DGKI: variants seen among roughly 807,000 people sequenced by gnomAD.
The protein encoded by DGKI is diacylglycerol kinase iota.
In DGKI, 55 loss-of-function variants were observed where a neutral mutation model predicts 147.5. The observed-to-expected ratio is 0.37, with a 90% confidence interval of 0.30 to 0.47. The LOEUF is 0.47. Among genes scored for constraint, DGKI ranks in the 20% least tolerant of loss-of-function variants. The pLI is 1.00. For missense variants in DGKI, 1,007 were observed against 1,323.8 expected (o/e 0.76, Z 3.71); for synonymous variants, 469 against 477.1 (o/e 0.98, Z 0.22).
chr7:137,496,212 G>T (rs569821443), intron 21 of DGKI, among the ~76,000 whole-genome samples: 3 of 152,078 alleles, frequency 2.0e-5, no homozygotes, highest in Admixed American at 2.0e-4. Flanking sequence ...ATTCACAATA[G>T]CCACAAACAA....
intron 20 of DGKI, among the ~76,000 whole-genome samples, chr7:137,544,137 AC>A (rs1191023244): frequency 6.6e-6 from 1 of 152,190 alleles, no homozygotes; most frequent in Non-Finnish European, 1.5e-5. Flanking sequence ...TGTAGCACGC[AC>A]ACTCATGGAA....
chr7:137,844,526 G>A (rs965881679), intron 1 of DGKI, among the ~76,000 whole-genome samples: 1 of 152,206 alleles, frequency 6.6e-6, no homozygotes, highest in Admixed American at 6.5e-5. Flanking sequence ...TGACACTGAT[G>A]CAGGAATTGG....
intron 21 of DGKI, among the ~76,000 whole-genome samples, chr7:137,519,444 A>G (rs1172963022): frequency 6.6e-6 from 1 of 152,068 alleles, no homozygotes; most frequent in Admixed American, 6.6e-5. Context: ...CTTCAAACGC[A>G]GTACCATGCT....
intron 1 of DGKI, among the ~76,000 whole-genome samples, chr7:137,711,276 T>C (rs1265005879): frequency 1.3e-5 from 2 of 152,162 alleles, no homozygotes; most frequent in Non-Finnish European, 2.9e-5. Flanking sequence ...CTCTGGTATA[T>C]ACACACAAGA....
intron 20 of DGKI, among the ~76,000 whole-genome samples, chr7:137,539,303 G>C (rs756033532): frequency 2.0e-5 from 3 of 152,150 alleles, no homozygotes; most frequent in Non-Finnish European, 4.4e-5. Flanking sequence ...TAAACCCTTA[G>C]CTTTCTGGCA....
chr7:137,595,598 C>CTTTATCT (rs1819760053), intron 12 of DGKI, among the ~76,000 whole-genome samples: 1 of 152,126 alleles, frequency 6.6e-6, no homozygotes, highest in African/African-American at 2.4e-5. Flanking sequence ...TCTCTTTCCT[C>CTTTATCT]TTTATCTTTT....
In DGKI at chr7:137,388,845, G is replaced by A. The variant is rs1402165754; in HGVS notation, c.*2375C>T. ...TTGAAAAAATTTCCAAATGCATCAG[G>A]AATCTTACAGTACCAACTCATCATT... On this transcript the variant is annotated 3_prime_UTR_variant, in exon 33 of 33. Transcript: ENST00000614521. 6.6e-6 allele frequency: 1 copy of A among 151,558 alleles called. No homozygotes were observed. The highest frequency in any genetic ancestry group is 1.5e-5 in the Non-Finnish European group (1 of 67,920). 9.4% of individuals were successfully genotyped at this position (151,558 alleles called of 1,614,324 possible).
chr7:137,599,754 G>C, intron 11 of DGKI, 69 bp downstream of exon 11: 1 of 1,394,210 alleles, frequency 7.2e-7, no homozygotes, highest in South Asian at 1.2e-5. Context: ...AAGGTAATCA[G>C]ATAATGAAGC....
chr7:137,688,826 T>C (rs1415984521), intron 2 of DGKI, among the ~76,000 whole-genome samples: 1 of 152,178 alleles, frequency 6.6e-6, no homozygotes, highest in African/African-American at 2.4e-5. Context: ...GAATATTCTT[T>C]CTATACACCA....
At chr7:137,407,511 G>T (rs1404145913) in intron 30 of DGKI, among the ~76,000 whole-genome samples, 1 of 152,122 alleles carries the variant, frequency 6.6e-6, no homozygotes, top group Non-Finnish European at 1.5e-5. Flanking sequence ...GCAAATACAG[G>T]TGAGGTAGGG....
At chr7:137,709,247 A>C (rs1156624176) in intron 1 of DGKI, among the ~76,000 whole-genome samples, 1 of 152,216 alleles carries the variant, frequency 6.6e-6, no homozygotes, top group Non-Finnish European at 1.5e-5. Context: ...AGGAAGCTTA[A>C]ATTTCAGGGC....
At chr7:137,653,536 T>C (rs911633061) in intron 5 of DGKI, among the ~76,000 whole-genome samples, 43 of 152,300 alleles carry the variant, frequency 2.8e-4, no homozygotes, top group Admixed American at 2.3e-3. Context: ...TCACTTGGAC[T>C]TGTGTGCTCT....
At chr7:137,716,659 C>G (rs1477971318) in intron 1 of DGKI, among the ~76,000 whole-genome samples, 2 of 152,206 alleles carry the variant, frequency 1.3e-5, no homozygotes, top group Non-Finnish European at 2.9e-5. Context: ...AACATGTCAT[C>G]ACTGACCAAG....
At chr7:137,618,338 C>T (rs1045505248) in intron 8 of DGKI, among the ~76,000 whole-genome samples, 3 of 150,186 alleles carry the variant, frequency 2.0e-5, no homozygotes, top group Non-Finnish European at 4.4e-5. Flanking sequence ...CACAGTTCCA[C>T]GGATATAATT....
chr7:137,845,605 C>T (rs1798687491), intron 1 of DGKI, among the ~76,000 whole-genome samples: 1 of 152,160 alleles, frequency 6.6e-6, no homozygotes, highest in Admixed American at 6.5e-5. Context: ...TTCTTGCCTG[C>T]GGAAGGGAGG....
At chr7:137,627,035 A>C (rs1013950830) in intron 6 of DGKI, among the ~76,000 whole-genome samples, 17 of 152,224 alleles carry the variant, frequency 1.1e-4, no homozygotes, top group Admixed American at 6.5e-5. Context: ...TCCTGTCCGC[A>C]GTGAGACAGG....
intron 1 of DGKI, among the ~76,000 whole-genome samples, chr7:137,698,941 T>C (rs866211114): frequency 6.6e-6 from 1 of 152,178 alleles, no homozygotes; most frequent in Admixed American, 6.5e-5. Context: ...TACCAGGGCA[T>C]GCAATGGACT....
chr7:137,566,711 A>G (rs10255937), intron 19 of DGKI, among the ~76,000 whole-genome samples: 8,811 of 152,152 alleles, frequency 0.058, 621 homozygotes, highest in African/African-American at 0.17. Flanking sequence ...TCTTTTTCCT[A>G]CAAATGATAG....
At chr7:137,531,457 T>C (rs1817334964) in intron 20 of DGKI, among the ~76,000 whole-genome samples, 1 of 152,302 alleles carries the variant, frequency 6.6e-6, no homozygotes, top group African/African-American at 2.4e-5. Context: ...TGGAGAATTC[T>C]TTTACTGTCA....
Sources: allele counts gnomAD v4.1 joint callset (sites outside exome capture counted in the v4.1 genomes callset), GRCh38; gene constraint gnomAD v4.1.1; transcripts MANE v1.5; gene names NCBI Gene and HGNC (gene_info 2026-07-23, HGNC 2026-07-21).